TAS2R1: variants seen among roughly 807,000 people sequenced by gnomAD.
The protein encoded by TAS2R1 is taste receptor type 2 member 1.
For missense variants in TAS2R1, 370 were observed against 353.4 expected (o/e 1.05, Z -0.38); for synonymous variants, 141 against 134.2 (o/e 1.05, Z -0.35).
intron 1 of TAS2R1, among the ~76,000 whole-genome samples, chr5:9,680,385 T>G (rs1380048708): frequency 2.0e-5 from 3 of 152,128 alleles, no homozygotes; most frequent in East Asian, 3.9e-4. Flanking sequence ...GTGTGAGTTG[T>G]GCATAGCAAC....
At chr5:9,659,238 C>T (rs766520256) in intron 2 of TAS2R1, among the ~76,000 whole-genome samples, 1 of 152,170 alleles carries the variant, frequency 6.6e-6, no homozygotes, top group Non-Finnish European at 1.5e-5. Flanking sequence ...ACCCCATGAA[C>T]TACTCCCCCA....
At chr5:9,679,064 A>C (rs1481630053) in intron 1 of TAS2R1, among the ~76,000 whole-genome samples, 1 of 152,356 alleles carries the variant, frequency 6.6e-6, no homozygotes, top group Non-Finnish European at 1.5e-5. Context: ...ACAAACATGG[A>C]GTGACCTTAA....
chr5:9,873,264 C>A, the TAS2R1 span, among the ~76,000 whole-genome samples: 2 of 152,214 alleles, frequency 1.3e-5, no homozygotes, highest in Non-Finnish European at 2.9e-5. Flanking sequence ...CTCTCTACGA[C>A]GGGCCCTGGG....
the TAS2R1 span, among the ~76,000 whole-genome samples, chr5:9,839,702 C>T: frequency 1.3e-5 from 2 of 151,982 alleles, no homozygotes; most frequent in Non-Finnish European, 2.9e-5. Context: ...TTTTGCAAGG[C>T]TGAACAACAG....
At chr5:9,734,472 C>A in the TAS2R1 span, among the ~76,000 whole-genome samples, 1 of 152,070 alleles carries the variant, frequency 6.6e-6, no homozygotes, top group Non-Finnish European at 1.5e-5. Context: ...GTTTGAGAAT[C>A]TACTTAGTAC....
At chr5:9,718,729 A>G in the TAS2R1 span, among the ~76,000 whole-genome samples, 1 of 152,222 alleles carries the variant, frequency 6.6e-6, no homozygotes, top group African/African-American at 2.4e-5. Flanking sequence ...AGGACATAGT[A>G]TGTGCTTCCA....
intron 1 of TAS2R1, among the ~76,000 whole-genome samples, chr5:9,674,850 C>T (rs1328800843): frequency 1.3e-5 from 2 of 151,872 alleles, no homozygotes; most frequent in Non-Finnish European, 2.9e-5. Flanking sequence ...ACTGGGAGTT[C>T]TAGCTGGTGC....
chr5:9,866,529 C>T, the TAS2R1 span, among the ~76,000 whole-genome samples: 1 of 152,170 alleles, frequency 6.6e-6, no homozygotes, highest in African/African-American at 2.4e-5. Flanking sequence ...TTTCCTCTGG[C>T]AAATCACTTT....
chr5:9,667,911 T>A (rs1036245494), intron 1 of TAS2R1, among the ~76,000 whole-genome samples: 1 of 152,184 alleles, frequency 6.6e-6, no homozygotes, highest in African/African-American at 2.4e-5. Context: ...TCCCCAGCAA[T>A]GGTTCTTAAC....
At chr5:9,677,663 T>C (rs955322627) in intron 1 of TAS2R1, among the ~76,000 whole-genome samples, 2 of 152,144 alleles carry the variant, frequency 1.3e-5, no homozygotes, top group Non-Finnish European at 2.9e-5. Context: ...ATCCAAAACA[T>C]TGACAACACT....
At chr5:9,838,191 G>A in the TAS2R1 span, among the ~76,000 whole-genome samples, 1 of 152,176 alleles carries the variant, frequency 6.6e-6, no homozygotes, top group African/African-American at 2.4e-5. Flanking sequence ...TGACTTTCCA[G>A]GTCTGGGATG....
At chr5:9,900,870 G>T in the TAS2R1 span, among the ~76,000 whole-genome samples, 10 of 152,042 alleles carry the variant, frequency 6.6e-5, no homozygotes, top group South Asian at 2.1e-4. Flanking sequence ...TGATCCGCCC[G>T]CCTCGGCCTC....
At chr5:9,657,286 C>A (rs1740434436) in intron 2 of TAS2R1, among the ~76,000 whole-genome samples, 1 of 152,108 alleles carries the variant, frequency 6.6e-6, no homozygotes, top group East Asian at 1.9e-4. Flanking sequence ...AAAAACTAAC[C>A]ATGTGCTTTG....
chr5:9,876,180 A>G, the TAS2R1 span, among the ~76,000 whole-genome samples: 1 of 151,752 alleles, frequency 6.6e-6, no homozygotes, highest in Non-Finnish European at 1.5e-5. Context: ...GCCCAGCTAC[A>G]TGTTTCAGGA....
the TAS2R1 span, among the ~76,000 whole-genome samples, chr5:9,882,799 T>C: frequency 6.6e-6 from 1 of 152,164 alleles, no homozygotes; most frequent in African/African-American, 2.4e-5. Flanking sequence ...AAATATCACT[T>C]GACTCAGGAA....
the TAS2R1 span, among the ~76,000 whole-genome samples, chr5:9,815,003 C>T: frequency 2.3e-4 from 35 of 152,140 alleles, no homozygotes; most frequent in Admixed American, 3.3e-4. Context: ...CATGGCGTGT[C>T]GGAGAAAGCG....
At chr5:9,890,796 CT>C in the TAS2R1 span, among the ~76,000 whole-genome samples, 2 of 152,182 alleles carry the variant, frequency 1.3e-5, no homozygotes, top group Admixed American at 1.3e-4. Flanking sequence ...TTAAGGGCCA[CT>C]GTGACCTACT....
the TAS2R1 span, chr5:9,889,626 T>C: frequency 6.6e-6 from 1 of 152,202 alleles, no homozygotes; most frequent in Middle Eastern, 3.2e-3. Context: ...CTTCTGACTT[T>C]ATTGTGTGGA....
the TAS2R1 span, among the ~76,000 whole-genome samples, chr5:9,733,062 A>G: frequency 1.3e-5 from 2 of 152,208 alleles, no homozygotes; most frequent in African/African-American, 4.8e-5. Flanking sequence ...CTTCACAGCA[A>G]CACCTAGATT....
Sources: gnomAD v4.1 joint callset for allele counts (sites outside exome capture counted in the v4.1 genomes callset) on GRCh38, gnomAD v4.1.1 for gene constraint, MANE v1.5 for transcripts, NCBI Gene and HGNC (gene_info 2026-07-23, HGNC 2026-07-21) for gene names.